MTMR9: variants seen among roughly 807,000 people sequenced by gnomAD.
MTMR9 encodes myotubularin-related protein 9.
A neutral mutation model predicts 69.5 loss-of-function variants in MTMR9; 39 were observed. The ratio of observed to expected loss-of-function variants is 0.56; its 90% confidence interval spans 0.43 to 0.73. The LOEUF is 0.73. MTMR9 is among the 30% of genes least tolerant of loss of function. The pLI is 0.00. For synonymous variants in MTMR9, 354 were observed against 240.8 expected (o/e 1.47, Z -4.35); for missense variants, 900 against 671.2 (o/e 1.34, Z -3.77).
In MTMR9 at chr8:11,324,558, C is replaced by T. The variant is rs548223698; in HGVS notation, c.*1770C>T. The T allele has an allele frequency of 1.3e-5, 2 of 150,018 alleles. No individual in the cohort carries two copies. Among genetic ancestry groups the T allele is most frequent in the Non-Finnish European group, 3.0e-5 (2 of 67,648 alleles). 9.3% of individuals were successfully genotyped at this position (150,018 alleles called of 1,614,324 possible). On this transcript the variant is annotated 3_prime_UTR_variant, in exon 10 of 10. Coordinates refer to ENST00000221086, the MANE Select transcript of MTMR9 (RefSeq NM_015458.4). ...ACAGCCTCACTTTTTTGTGCTCCCT[C>T]AGAATTGCTTGCTATGTCTGTTAAT...
chr8:11,320,584 A>G (rs2572398), intron 9 of MTMR9: 2 of 151,820 alleles, frequency 1.3e-5, no homozygotes, highest in East Asian at 3.9e-4. Flanking sequence ...CAAAAATTAA[A>G]CAGGCCAATT....
intron 1 of MTMR9, among the ~76,000 whole-genome samples, chr8:11,292,041 C>G (rs759263048): frequency 7.2e-5 from 11 of 152,046 alleles, no homozygotes; most frequent in Non-Finnish European, 1.3e-4. Context: ...CTTTCGTAAT[C>G]CCTTCCTTCT....
intron 2 of MTMR9, chr8:11,298,714 C>A: frequency 1.1e-6 from 1 of 889,432 alleles, no homozygotes; most frequent in Non-Finnish European, 1.3e-6. Context: ...ATCCTTTCCC[C>A]GCTGCACCCC....
At chr8:11,296,889 T>C (rs1799579850) in intron 2 of MTMR9, among the ~76,000 whole-genome samples, 1 of 152,198 alleles carries the variant, frequency 6.6e-6, no homozygotes, top group Admixed American at 6.5e-5. Context: ...GCTTTTTATT[T>C]ATATAAATAA....
intron 1 of MTMR9, chr8:11,285,391 C>T (rs967005993): frequency 2.1e-5 from 5 of 241,084 alleles, no homozygotes; most frequent in Non-Finnish European, 4.0e-5. Context: ...CATCGTATTC[C>T]TTGAATTGGT....
chr8:11,297,883 T>G (rs377014461), intron 2 of MTMR9: 1 of 456,312 alleles, frequency 2.2e-6, no homozygotes, highest in African/African-American at 2.0e-5. Context: ...CTGTCCTCTA[T>G]CCTTTTCCTG....
chr8:11,317,761 T>C (rs1306595048), intron 8 of MTMR9: 1 of 152,194 alleles, frequency 6.6e-6, no homozygotes, highest in African/African-American at 2.4e-5. Flanking sequence ...ATAGGTTCAT[T>C]TACAAGATTC....
chr8:11,295,994 A>C (rs1354839490), intron 2 of MTMR9, among the ~76,000 whole-genome samples: 1 of 152,172 alleles, frequency 6.6e-6, no homozygotes, highest in Non-Finnish European at 1.5e-5. Flanking sequence ...CTAGAAGTGG[A>C]ATTGTTTCTT....
At chr8:11,300,419 G>C (rs1799708672) in intron 3 of MTMR9, 1 of 235,732 alleles carries the variant, frequency 4.2e-6, no homozygotes, top group Non-Finnish European at 8.3e-6. Flanking sequence ...GCATGTCAAA[G>C]AAATTAGAAA....
At chr8:11,295,503 A>G (rs565469513) in intron 2 of MTMR9, among the ~76,000 whole-genome samples, 1 of 64,676 alleles carries the variant, frequency 1.5e-5, no homozygotes, top group South Asian at 7.6e-4. Context: ...GGTGTTACTC[A>G]CGTTATATGA....
chr8:11,314,091 G>A (rs1741607030), intron 6 of MTMR9, among the ~76,000 whole-genome samples: 1 of 152,270 alleles, frequency 6.6e-6, no homozygotes, highest in Admixed American at 6.5e-5. Context: ...TGAGAATAGA[G>A]GAAATTGCCT....
chr8:11,297,002 T>A (rs920204470), intron 2 of MTMR9, among the ~76,000 whole-genome samples: 4 of 152,208 alleles, frequency 2.6e-5, no homozygotes, highest in African/African-American at 7.2e-5. Flanking sequence ...ACTATTTTGA[T>A]GTACACTGAA....
Position 11,284,871 on chromosome 8 carries a change from C to G in MTMR9, c.-18C>G, listed in dbSNP as rs781320772. Reference sequence around the variant, plus strand: ...GCACCTACCGGGCTCGGTTCCCTGGCTCCGGCCGCGGGGGAGCATGGAGTT... The same window carrying G: ...GCACCTACCGGGCTCGGTTCCCTGGGTCCGGCCGCGGGGGAGCATGGAGTT... On this transcript the variant is annotated 5_prime_UTR_variant, in exon 1 of 10. Coordinates refer to ENST00000221086, the MANE Select transcript of MTMR9 (RefSeq NM_015458.4). 12 of 1,524,108 alleles carry G rather than the reference C, an allele frequency of 7.9e-6. No homozygotes were observed. The South Asian group carries it at 1.2e-4, about 15-fold the overall frequency. The allele number at this position is 1,524,108 out of a possible 1,614,324, so 94.4% of individuals were successfully genotyped here.
At chr8:11,322,544 A>G in intron 9 of MTMR9, 81 bp from the exon 10 acceptor site, 3 of 1,219,966 alleles carry the variant, frequency 2.5e-6, no homozygotes, top group Non-Finnish European at 3.6e-6. Context: ...TAATACATAA[A>G]TTACATCTTA....
In MTMR9 at chr8:11,325,670, T is replaced by A. The variant is rs962643323; in HGVS notation, c.*2882T>A. The A allele has an allele frequency of 2.0e-5, 3 of 151,992 alleles. No homozygotes were observed. Among genetic ancestry groups the A allele is most frequent in the Admixed American group, 1.3e-4 (2 of 15,262 alleles). The allele number at this position is 151,992 out of a possible 1,614,324, so 9.4% of individuals were successfully genotyped here. ...TTTAAATAAGTACTTTTTTTTTTTT[T>A]AATCAGAAGAACATTGTTGTTTGAT... On this transcript the variant is annotated 3_prime_UTR_variant, in exon 10 of 10. Coordinates refer to ENST00000221086, the MANE Select transcript of MTMR9 (RefSeq NM_015458.4).
At chr8:11,290,344 T>C (rs7816547) in intron 1 of MTMR9, among the ~76,000 whole-genome samples, 3,074 of 152,270 alleles carry the variant, frequency 0.02, 123 homozygotes, top group African/African-American at 0.071. Flanking sequence ...CATGGGTACC[T>C]TGTATACTCT....
the MTMR9 span, among the ~76,000 whole-genome samples, chr8:11,336,140 ACCCTC>A: frequency 1.3e-5 from 2 of 152,316 alleles, no homozygotes; most frequent in South Asian, 4.1e-4. Context: ...GCTGCTTCCA[ACCCTC>A]AGAAAAGAGT....
At chr8:11,293,966 G>C (rs1799459953) in intron 1 of MTMR9, among the ~76,000 whole-genome samples, 1 of 152,152 alleles carries the variant, frequency 6.6e-6, no homozygotes, top group Non-Finnish European at 1.5e-5. Flanking sequence ...CCTTGAAATT[G>C]TGTAGTGTTA....
Position 11,304,973 on chromosome 8 carries a change from C to T in MTMR9, c.550C>T (p.Arg184Cys), listed in dbSNP as rs1325321359. 3.1e-6 allele frequency: 5 copies of T among 1,613,996 alleles called. No homozygotes were observed. Among genetic ancestry groups the T allele is most frequent in the Non-Finnish European group, 4.2e-6 (5 of 1,179,950 alleles). ...RKVATFRHGG[R>C]FPVLSYYHKK... ...GGTAGCTACATTTCGACATGGAGGGCGCTTCCCAGTACTAAGCTATTACCA... is the reference window on the plus strand; with the variant it reads ...GGTAGCTACATTTCGACATGGAGGGTGCTTCCCAGTACTAAGCTATTACCA... The change falls in exon 4 of 10, where the codon CGC (arginine) becomes TGC (cysteine). Residue 184 changes from arginine (R) to cysteine (C), a missense_variant. Physicochemically the swap from Arg to Cys is radical, Grantham distance 180 (BLOSUM62 -3). Transcript: ENST00000221086.
Sources: allele counts gnomAD v4.1 joint callset (sites outside exome capture counted in the v4.1 genomes callset), GRCh38; gene constraint gnomAD v4.1.1; transcripts MANE v1.5; gene names NCBI Gene and HGNC (gene_info 2026-07-23, HGNC 2026-07-21).